The following VTI1A variants were observed in gnomAD, a reference collection of about 807,000 sequenced individuals.
VTI1A encodes the protein vesicle transport through interaction with t-SNAREs 1A.
In VTI1A, 22 loss-of-function variants were observed where a neutral mutation model predicts 34.9. The observed-to-expected ratio is 0.63, with a 90% CI of 0.45 to 0.90. The LOEUF (loss-of-function observed/expected upper bound fraction) is 0.90, where lower values mean the gene tolerates loss of function less well. Among genes scored for constraint, VTI1A ranks in the 40% least tolerant of loss-of-function variants. The pLI is 0.00. For synonymous variants in VTI1A, 87 were observed against 97.3 expected (o/e 0.89, Z 0.62); for missense variants, 268 against 275.6 (o/e 0.97, Z 0.20).
At chr10:112,730,149 A>G (rs976286436) in intron 7 of VTI1A, among the ~76,000 whole-genome samples, 4 of 152,242 alleles carry the variant, frequency 2.6e-5, no homozygotes, top group Non-Finnish European at 5.9e-5. Context: ...TTCAAAGAAT[A>G]CATGAACAAT....
chr10:112,607,749 A>C (rs1170099084), intron 5 of VTI1A, among the ~76,000 whole-genome samples: 2 of 152,184 alleles, frequency 1.3e-5, no homozygotes, highest in African/African-American at 4.8e-5. Context: ...GGCTGTAGTC[A>C]TCAGCACACT....
rs1023513171 is a variant in VTI1A, at chr10:112,538,187, A to C, written c.343-59A>C. ...TACGAAGGCATTTTTTTTTTAAGGCAAAAAAAAGAACATTGTAGACGGCCG... is the reference window on the plus strand; with the variant it reads ...TACGAAGGCATTTTTTTTTTAAGGCCAAAAAAAGAACATTGTAGACGGCCG... On this transcript the variant is annotated intron_variant, in intron 4 of 7. Transcript: ENST00000393077. 9.7e-6 allele frequency: 14 copies of C among 1,445,742 alleles called. No homozygotes were observed. In the Admixed American group the frequency reaches 1.2e-4, roughly 12 times the overall value. The allele number at this position is 1,445,742 out of a possible 1,614,324, so 89.6% of individuals were successfully genotyped here. A position where few individuals can be genotyped will look rare whatever the true frequency, so the allele number is the denominator to read the frequency against.
chr10:112,472,183 G>C (rs573128457), intron 3 of VTI1A, among the ~76,000 whole-genome samples: 66 of 152,342 alleles, frequency 4.3e-4, no homozygotes, highest in African/African-American at 1.5e-3. Context: ...ATGTTAAAAA[G>C]AGAGCTTTCT....
At chr10:112,853,998 A>C in the VTI1A span, among the ~76,000 whole-genome samples, 1 of 152,126 alleles carries the variant, frequency 6.6e-6, no homozygotes, top group Non-Finnish European at 1.5e-5. Flanking sequence ...CTCAGCAGAC[A>C]TCCTCAGCTC....
intron 3 of VTI1A, among the ~76,000 whole-genome samples, chr10:112,525,646 A>G (rs181032504): frequency 6.6e-6 from 1 of 152,322 alleles, no homozygotes; most frequent in Admixed American, 6.5e-5. Context: ...CTTCAAATAT[A>G]TGTAATGAAC....
Position 112,717,044 on chromosome 10 carries a change from A to T in VTI1A, c.560+48046A>T, listed in dbSNP as rs151064281. On this transcript the variant is annotated intron_variant, in intron 7 of 7. Coordinates refer to ENST00000393077, the MANE Select transcript of VTI1A (RefSeq NM_145206.4). ...GCTTGCTATGTAAACGCAGCTTCGT[A>T]ACAAGTGCCGTTGCACCTCTGCTGC... Among the ~76,000 whole-genome samples, 509 of 152,326 alleles carry T rather than the reference A, an allele frequency of 3.3e-3. 4 individuals carry two copies. The highest frequency in any genetic ancestry group is 0.011 in the African/African-American group (441 of 41,580).
At chr10:112,673,841 T>C (rs1383455685) in intron 7 of VTI1A, among the ~76,000 whole-genome samples, 1 of 152,210 alleles carries the variant, frequency 6.6e-6, no homozygotes, top group Non-Finnish European at 1.5e-5. Flanking sequence ...GGAATGCCAA[T>C]GCAAGATCTG....
In VTI1A at chr10:112,657,865, G is replaced by A. The variant is rs981083119; in HGVS notation, c.428-10353G>A. On this transcript the variant is annotated intron_variant, in intron 5 of 7. Coordinates refer to ENST00000393077, the MANE Select transcript of VTI1A (RefSeq NM_145206.4). ...CCTTAAAACAGAACAACAAAAAGATGTGTAGTATTAGGATGCCTTGTCCTC... is the reference window on the plus strand; with the variant it reads ...CCTTAAAACAGAACAACAAAAAGATATGTAGTATTAGGATGCCTTGTCCTC... Among the ~76,000 whole-genome samples the A allele has an allele frequency of 2.0e-5, 3 of 152,040 alleles. No homozygotes were observed. The East Asian group carries it at 5.8e-4, about 29-fold the overall frequency.
At chr10:112,653,786 T>C (rs1052417060) in intron 5 of VTI1A, among the ~76,000 whole-genome samples, 1 of 152,232 alleles carries the variant, frequency 6.6e-6, no homozygotes, top group Admixed American at 6.5e-5. Flanking sequence ...ATATACTGAA[T>C]GTATGCAGTC....
At chr10:112,724,377 T>C (rs536091236) in intron 7 of VTI1A, among the ~76,000 whole-genome samples, 2 of 151,156 alleles carry the variant, frequency 1.3e-5, no homozygotes, top group South Asian at 4.2e-4. Flanking sequence ...GAATTCCAGA[T>C]GGCATGGTAC....
At chr10:112,702,041 TCCA>T (rs762833418) in intron 7 of VTI1A, among the ~76,000 whole-genome samples, 1 of 152,114 alleles carries the variant, frequency 6.6e-6, no homozygotes, top group Non-Finnish European at 1.5e-5. Context: ...ACATACGAAG[TCCA>T]TGAGTCAGGA....
intron 5 of VTI1A, among the ~76,000 whole-genome samples, chr10:112,622,967 A>G (rs1845786867): frequency 1.3e-5 from 2 of 152,220 alleles, no homozygotes; most frequent in East Asian, 1.9e-4. Flanking sequence ...AAGACATGAT[A>G]AATTGTCCCT....
chr10:112,819,737 G>A (rs768439104), downstream of VTI1A, among the ~76,000 whole-genome samples: 17 of 152,078 alleles, frequency 1.1e-4, no homozygotes, highest in Admixed American at 3.3e-4. Context: ...AAGCCCCATC[G>A]TCCTCATCCT....
chr10:112,503,202 G>A (rs1435719444), intron 3 of VTI1A, among the ~76,000 whole-genome samples: 3 of 152,004 alleles, frequency 2.0e-5, no homozygotes. Flanking sequence ...TGGAACACCA[G>A]GTCTTATTTT....
At chr10:112,603,358 T>G (rs1844951834) in intron 5 of VTI1A, among the ~76,000 whole-genome samples, 1 of 152,214 alleles carries the variant, frequency 6.6e-6, no homozygotes, top group Non-Finnish European at 1.5e-5. Flanking sequence ...GGGCTGCCCT[T>G]GACCATTGAT....
intron 7 of VTI1A, among the ~76,000 whole-genome samples, chr10:112,681,262 G>A (rs1326950000): frequency 2.6e-5 from 4 of 151,616 alleles, no homozygotes; most frequent in South Asian, 2.1e-4. Flanking sequence ...TAATTTTTTC[G>A]TAGAGACAGG....
At chr10:112,852,774 G>C in the VTI1A span, among the ~76,000 whole-genome samples, 19 of 152,102 alleles carry the variant, frequency 1.2e-4, no homozygotes, top group South Asian at 1.2e-3. Flanking sequence ...GTTTTGTTTT[G>C]TTTTGTTTGT....
intron 5 of VTI1A, among the ~76,000 whole-genome samples, chr10:112,619,348 C>T (rs958137646): frequency 3.3e-5 from 5 of 152,130 alleles, no homozygotes; most frequent in Admixed American, 6.5e-5. Context: ...TAAGCACGTT[C>T]ATCTGGAGGT....
chr10:112,512,918 T>A (rs1041725635), intron 3 of VTI1A, among the ~76,000 whole-genome samples: 1 of 152,102 alleles, frequency 6.6e-6, no homozygotes, highest in Admixed American at 6.6e-5. Flanking sequence ...TATACCAATA[T>A]CATGTTGTTT....
Sources: gnomAD v4.1 joint callset for allele counts (sites outside exome capture counted in the v4.1 genomes callset) on GRCh38, gnomAD v4.1.1 for gene constraint, MANE v1.5 for transcripts, NCBI Gene and HGNC (gene_info 2026-07-23, HGNC 2026-07-21) for gene names.